ARFGAP2: variants seen among roughly 807,000 people sequenced by gnomAD.
ARFGAP2 encodes ARF GTPase activating protein 2, also known as ADP-ribosylation factor GTPase-activating protein 2.
Under a neutral mutation model 71.9 loss-of-function variants are expected in ARFGAP2, and 45 were observed. The observed-to-expected ratio is 0.63, with a 90% CI of 0.49 to 0.80. The LOEUF is 0.80. ARFGAP2 is among the 30% of genes least tolerant of loss of function. ARFGAP2 has a pLI of 0.00. For missense variants in ARFGAP2, 633 were observed against 673.9 expected (o/e 0.94, Z 0.67); for synonymous variants, 248 against 249.2 (o/e 1.00, Z 0.05).
At chr11:47,170,248 T>C (rs1357217517) in intron 10 of ARFGAP2, among the ~76,000 whole-genome samples, 2 of 137,122 alleles carry the variant, frequency 1.5e-5, no homozygotes, top group African/African-American at 5.6e-5. Context: ...TGCTTGAATC[T>C]GGGAGGCGGA....
intron 10 of ARFGAP2, 168 bp from the exon 11 acceptor site, chr11:47,168,419 G>A: frequency 1.2e-6 from 1 of 826,808 alleles, no homozygotes; most frequent in Non-Finnish European, 1.8e-6. Context: ...GGCTAGCTGT[G>A]TGTGGTGACC....
chr11:47,168,590 G>A (rs1952479973), intron 10 of ARFGAP2: 1 of 203,156 alleles, frequency 4.9e-6, no homozygotes, highest in South Asian at 7.8e-5. Flanking sequence ...GTGCAATCTT[G>A]GCTCACTGCA....
chr11:47,167,484 TA>T (rs1565124136), intron 12 of ARFGAP2, among the ~76,000 whole-genome samples: 1 of 152,094 alleles, frequency 6.6e-6, no homozygotes, highest in Admixed American at 6.5e-5. Flanking sequence ...AGTAGGGTTT[TA>T]AAAAATAAGA....
At chr11:47,174,046 T>G in intron 5 of ARFGAP2, 2 of 915,738 alleles carry the variant, frequency 2.2e-6, no homozygotes, top group South Asian at 3.3e-5. Flanking sequence ...CCCTTCACTA[T>G]TTACTTAGAG....
intron 7 of ARFGAP2, 40 bp downstream of exon 7, chr11:47,173,386 C>G: frequency 1.3e-6 from 2 of 1,551,258 alleles, no homozygotes; most frequent in East Asian, 4.9e-5. Context: ...GAGGTCCACC[C>G]TCTCCCAGAC....
rs924959605 is a variant in ARFGAP2 at position 47,176,364 on chromosome 11, G to A, written c.191+152C>T. 1.5e-5 allele frequency: 11 copies of A among 731,020 alleles called. No homozygotes were observed. In the Admixed American group the frequency reaches 2.1e-4, roughly 14 times the overall value. 45.3% of individuals were successfully genotyped at this position (731,020 alleles called of 1,614,324 possible). On this transcript the variant is annotated intron_variant, in intron 2 of 15. Transcript: ENST00000524782. ...CATGTGCCAAAGGGCCCACACAGGT[G>A]GTTCCCTCTGGCAGGAGGCTACCGG...
chr11:47,169,901 C>A (rs1435825170), intron 10 of ARFGAP2, among the ~76,000 whole-genome samples: 1 of 152,166 alleles, frequency 6.6e-6, no homozygotes, highest in Non-Finnish European at 1.5e-5. Flanking sequence ...TATGCCTTAA[C>A]CCCTTGGTCA....
intron 12 of ARFGAP2, 90 bp from the exon 13 acceptor site, chr11:47,166,976 T>C (rs533702812): frequency 3.4e-5 from 50 of 1,486,302 alleles, no homozygotes; most frequent in Non-Finnish European, 4.5e-5. Context: ...CAGTGGCCTT[T>C]TGGTGATGGG....
chr11:47,169,051 C>T (rs1451359447), intron 10 of ARFGAP2, among the ~76,000 whole-genome samples: 1 of 151,600 alleles, frequency 6.6e-6, no homozygotes, highest in East Asian at 1.9e-4. Flanking sequence ...CCGTGGCTCA[C>T]ACCTGTAATT....
chr11:47,164,338 CTTTAT>C lies in ARFGAP2; in HGVS notation c.*1139_*1143del. 1 of 1,385,346 alleles carries C rather than the reference CTTTAT, an allele frequency of 7.2e-7. No homozygotes were observed. The highest frequency in any genetic ancestry group is 9.6e-7 in the Non-Finnish European group (1 of 1,036,486). 85.8% of individuals were successfully genotyped at this position (1,385,346 alleles called of 1,614,324 possible). A position where few individuals can be genotyped will look rare whatever the true frequency, so the allele number is the denominator to read the frequency against. On this transcript the variant is annotated 3_prime_UTR_variant, in exon 16 of 16. Coordinates refer to ENST00000524782, the MANE Select transcript of ARFGAP2 (RefSeq NM_032389.6). Reference sequence around the variant, plus strand: ...AACAGGGAGCCAGGCCCTGCAGGGGCTTTATTTTGACACCACTTTGTTTCAATACA... The same window carrying C: ...AACAGGGAGCCAGGCCCTGCAGGGGCTTTGACACCACTTTGTTTCAATACA...
At position 47,176,593 on chromosome 11, in the gene ARFGAP2, G is replaced by A. The variant is rs1174247157; in HGVS notation, c.114C>T (p.Ser38=). 5.0e-6 allele frequency: 8 copies of A among 1,614,022 alleles called. No individual in the cohort carries two copies. In the African/African-American group the frequency reaches 6.7e-5, roughly 13 times the overall value. ...DCGAKNPSWA[S]ITYGVFLCID... ...TGCACAAGAAAACACCGTACGTGATGCTGGCCCAACTCGGATTCTTGGCGC... is the reference window on the plus strand; with the variant it reads ...TGCACAAGAAAACACCGTACGTGATACTGGCCCAACTCGGATTCTTGGCGC... The change falls in exon 2 of 16, where the codon AGC becomes AGT. Residue 38 remains serine (S), a synonymous_variant. Transcript: ENST00000524782.
chr11:47,165,869 T>C (rs1374592646), intron 15 of ARFGAP2, among the ~76,000 whole-genome samples: 5 of 151,808 alleles, frequency 3.3e-5, no homozygotes, highest in African/African-American at 9.7e-5. Context: ...TCTTGCTTTT[T>C]CGTTTGTGGT....
In ARFGAP2 at chr11:47,175,266, G is replaced by C. The variant is rs758059833; in HGVS notation, c.312C>G (p.Thr104=). 2 of 1,614,126 alleles carry C rather than the reference G, an allele frequency of 1.2e-6. No individual in the cohort carries two copies. The highest frequency in any genetic ancestry group is 1.1e-5 in the South Asian group (1 of 91,072). Reference sequence around the variant, plus strand: ...TCTGGGCAGCTCGGCTATTATATTTGGTGTTGGCATCATTGGCTGTGCATC... The same window carrying C: ...TCTGGGCAGCTCGGCTATTATATTTCGTGTTGGCATCATTGGCTGTGCATC... The part of the protein sequence containing the change: ...QHGCTANDAN[T]KYNSRAAQMY... The change falls in exon 4 of 16, where the codon ACC becomes ACG. Residue 104 remains threonine, a synonymous_variant. Coordinates refer to ENST00000524782, the MANE Select transcript of ARFGAP2 (RefSeq NM_032389.6).
Position 47,174,541 on chromosome 11 carries a change from G to A in ARFGAP2, c.480+474C>T, listed in dbSNP as rs376416577. ...CTCCCAAGTAGCTGGGACTACAGGC[G>A]CCCGCCACCGCGCCCGGCTAATTTT... is the stretch of plus-strand genomic sequence containing the variant. On this transcript the variant is annotated intron_variant, in intron 5 of 15. Coordinates refer to ENST00000524782, the MANE Select transcript of ARFGAP2 (RefSeq NM_032389.6). 999 of 160,542 alleles carry A rather than the reference G, an allele frequency of 6.2e-3. 9 individuals carry two copies. The highest frequency in any genetic ancestry group is 0.023 in the African/African-American group (944 of 41,322). 9.9% of individuals were successfully genotyped at this position (160,542 alleles called of 1,614,324 possible). A position where few individuals can be genotyped will look rare whatever the true frequency, so the allele number is the denominator to read the frequency against.
chr11:47,174,835 C>T (rs1565131850), intron 5 of ARFGAP2, 180 bp downstream of exon 5: 5 of 689,660 alleles, frequency 7.2e-6, no homozygotes, highest in African/African-American at 1.8e-5. Flanking sequence ...TACACTGCAC[C>T]TCCATTTATG....
intron 12 of ARFGAP2, 66 bp downstream of exon 12, chr11:47,167,843 A>C: frequency 3.3e-6 from 5 of 1,498,982 alleles, no homozygotes; most frequent in Non-Finnish European, 4.4e-6. Context: ...GCTGCCTTAG[A>C]ATTCTCTACC....
intron 1 of ARFGAP2, 60 bp from the exon 2 acceptor site, chr11:47,176,694 C>T: frequency 6.2e-7 from 1 of 1,610,916 alleles, no homozygotes; most frequent in Non-Finnish European, 8.5e-7. Flanking sequence ...CAGGCACCGA[C>T]ACCCCAGAAA....
At chr11:47,169,942 C>A (rs1034655034) in intron 10 of ARFGAP2, among the ~76,000 whole-genome samples, 1 of 152,210 alleles carries the variant, frequency 6.6e-6, no homozygotes, top group Non-Finnish European at 1.5e-5. Flanking sequence ...TTAACCCAGT[C>A]ATTCCTATGT....
intron 3 of ARFGAP2, 140 bp from the exon 4 acceptor site, chr11:47,175,453 G>T: frequency 7.4e-7 from 1 of 1,355,824 alleles, no homozygotes; most frequent in South Asian, 1.2e-5. Flanking sequence ...CGGTTTTTCA[G>T]AGATAAAGTT....
Sources: gnomAD v4.1 joint callset for allele counts (sites outside exome capture counted in the v4.1 genomes callset) on GRCh38, gnomAD v4.1.1 for gene constraint, MANE v1.5 for transcripts, NCBI Gene and HGNC (gene_info 2026-07-23, HGNC 2026-07-21) for gene names.